Variants in CACNA1A observed in about 807,000 individuals in gnomAD.
CACNA1A encodes the protein calcium voltage-gated channel subunit alpha1 A.
A neutral mutation model predicts 262.4 loss-of-function variants in CACNA1A; 57 were observed. That is an observed-to-expected ratio of 0.22 (90% CI 0.18 to 0.27). The LOEUF is 0.27. Ranked by LOEUF, CACNA1A falls within the 10% of genes least tolerant of loss-of-function variation. The probability of loss-of-function intolerance (pLI) is 1.00; values close to 1 mark genes in which losing one functional copy is unlikely to be tolerated. For synonymous variants in CACNA1A, 1,431 were observed against 1,419.3 expected (o/e 1.01, Z -0.18); for missense variants, 2,526 against 3,562.8 (o/e 0.71, Z 7.41).
intron 3 of CACNA1A, among the ~76,000 whole-genome samples, chr19:13,376,754 G>T (rs1408659948): frequency 7.0e-6 from 1 of 143,458 alleles, no homozygotes; most frequent in African/African-American, 2.6e-5. Flanking sequence ...AACACAATAT[G>T]TTATATGTGA....
intron 19 of CACNA1A, among the ~76,000 whole-genome samples, chr19:13,297,744 T>C (rs1214572762): frequency 6.6e-6 from 1 of 151,268 alleles, no homozygotes; most frequent in Non-Finnish European, 1.5e-5. Context: ...GCCCGGGAGG[T>C]AGAGGCTGCA....
intron 1 of CACNA1A, among the ~76,000 whole-genome samples, chr19:13,488,977 T>C (rs1980396654): frequency 6.6e-6 from 1 of 151,452 alleles, no homozygotes; most frequent in East Asian, 1.9e-4. Flanking sequence ...GGGACTGTTT[T>C]TATTGTAATT....
At chr19:13,247,994 C>T (rs1261044674) in intron 30 of CACNA1A, among the ~76,000 whole-genome samples, 2 of 152,112 alleles carry the variant, frequency 1.3e-5, no homozygotes, top group Admixed American at 6.6e-5. Context: ...TCTGTTGCCT[C>T]CTGGAGGTAT....
At chr19:13,256,268 G>T (rs2056567273) in intron 28 of CACNA1A, 1 of 152,088 alleles carries the variant, frequency 6.6e-6, no homozygotes, top group Non-Finnish European at 1.5e-5. Flanking sequence ...AAAGTGTTAA[G>T]ATTACAGGCG....
chr19:13,395,116 A>G (rs2059786543), intron 3 of CACNA1A, among the ~76,000 whole-genome samples: 1 of 151,362 alleles, frequency 6.6e-6, no homozygotes, highest in African/African-American at 2.4e-5. Flanking sequence ...TCTACTAAAA[A>G]TACAAAAATT....
intron 4 of CACNA1A, among the ~76,000 whole-genome samples, chr19:13,369,053 A>G (rs926199918): frequency 9.3e-5 from 12 of 128,688 alleles, no homozygotes; most frequent in Admixed American, 3.8e-4. Context: ...AAAAAAAAAA[A>G]AAAAAAAATG....
chr19:13,340,099 A>G (rs1048847216), intron 6 of CACNA1A, among the ~76,000 whole-genome samples: 1 of 152,184 alleles, frequency 6.6e-6, no homozygotes, highest in African/African-American at 2.4e-5. Flanking sequence ...ACTCTGAGCC[A>G]TCACGAGGAG....
intron 46 of CACNA1A, 40 bp from the exon 47 acceptor site, chr19:13,208,093 T>C: frequency 9.5e-7 from 1 of 1,057,936 alleles, no homozygotes; most frequent in Non-Finnish European, 1.1e-6. Context: ...AAAAAAAAGA[T>C]ACAACAAAAT....
At chr19:13,287,338 G>A (rs1235343999) in intron 19 of CACNA1A, among the ~76,000 whole-genome samples, 1 of 151,910 alleles carries the variant, frequency 6.6e-6, no homozygotes, top group Non-Finnish European at 1.5e-5. Context: ...GTGACAGAGT[G>A]AGACCCTGTC....
chr19:13,332,957 G>A (rs763196186), intron 8 of CACNA1A, 32 bp from the exon 9 acceptor site: 9 of 1,548,958 alleles, frequency 5.8e-6, no homozygotes, highest in South Asian at 4.5e-5. Context: ...TTAAGCTCCT[G>A]CATTTGGAGG....
At chr19:13,348,464 A>G (rs949243687) in intron 6 of CACNA1A, among the ~76,000 whole-genome samples, 3 of 152,172 alleles carry the variant, frequency 2.0e-5, no homozygotes, top group African/African-American at 7.2e-5. Context: ...GCACTTTGGG[A>G]GGCCAAGGCA....
chr19:13,269,073 C>T (rs886908), intron 24 of CACNA1A, among the ~76,000 whole-genome samples: 73,637 of 151,820 alleles, frequency 0.49, 18,819 homozygotes, highest in African/African-American at 0.63. Flanking sequence ...CATAGCTTAC[C>T]GCAGCCTTGA....
chr19:13,240,870 C>T (rs929972696), intron 31 of CACNA1A, among the ~76,000 whole-genome samples: 1 of 152,212 alleles, frequency 6.6e-6, no homozygotes, highest in African/African-American at 2.4e-5. Flanking sequence ...GTTCAAGGCT[C>T]CAGGAGAGGG....
intron 5 of CACNA1A, 56 bp downstream of exon 5, chr19:13,365,261 A>C: frequency 5.3e-6 from 8 of 1,513,442 alleles, no homozygotes; most frequent in Non-Finnish European, 6.3e-6. Flanking sequence ...AATCCTCCCA[A>C]GAGCTTGTCC....
At position 13,290,315 on chromosome 19, in the gene CACNA1A, G is replaced by A. The variant is rs542277534; in HGVS notation, c.3090-3349C>T. Among the ~76,000 whole-genome samples, 3 of 152,096 alleles carry A rather than the reference G, an allele frequency of 2.0e-5. No homozygotes were observed. The East Asian group carries it at 5.8e-4, about 29-fold the overall frequency. The stretch of plus-strand genomic sequence containing the variant: ...AGAAATCCCTAATTCTAACCTGCTT[G>A]TGATGCTTTTTGAGAAGTTGTGTAT... On this transcript the variant is annotated intron_variant, in intron 19 of 46. Transcript: ENST00000360228.
chr19:13,423,289 G>A (rs1028654207), intron 3 of CACNA1A, among the ~76,000 whole-genome samples: 2 of 152,172 alleles, frequency 1.3e-5, no homozygotes, highest in Non-Finnish European at 2.9e-5. Flanking sequence ...CAATCAGCAC[G>A]TGGTGTGCTT....
At chr19:13,409,648 T>A (rs550464444) in intron 3 of CACNA1A, among the ~76,000 whole-genome samples, 19 of 152,086 alleles carry the variant, frequency 1.2e-4, no homozygotes, top group Non-Finnish European at 2.8e-4. Flanking sequence ...AGGGCTCAAA[T>A]GATCCTCCCG....
intron 3 of CACNA1A, among the ~76,000 whole-genome samples, chr19:13,379,313 T>G (rs2059473105): frequency 6.6e-6 from 1 of 152,140 alleles, no homozygotes; most frequent in South Asian, 2.1e-4. Context: ...CATTTTTTTT[T>G]AGACATAATG....
intron 17 of CACNA1A, among the ~76,000 whole-genome samples, chr19:13,302,328 T>C (rs1394332054): frequency 6.6e-6 from 1 of 152,174 alleles, no homozygotes; most frequent in Non-Finnish European, 1.5e-5. Context: ...GAATCCCTGC[T>C]CCACGGAGGC....
Sources: allele counts gnomAD v4.1 joint callset (sites outside exome capture counted in the v4.1 genomes callset), GRCh38; gene constraint gnomAD v4.1.1; transcripts MANE v1.5; gene names NCBI Gene and HGNC (gene_info 2026-07-23, HGNC 2026-07-21).